CACNA1C: variants seen among roughly 807,000 people sequenced by gnomAD.
CACNA1C encodes the protein calcium voltage-gated channel subunit alpha1 C, also known as voltage-dependent L-type calcium channel subunit alpha-1C.
In CACNA1C, 30 loss-of-function variants were observed where a neutral mutation model predicts 229.0. The observed-to-expected ratio is 0.13, with a 90% confidence interval of 0.10 to 0.18. The LOEUF is 0.18. Ranked by LOEUF, CACNA1C falls within the 10% of genes least tolerant of loss-of-function variation. The pLI, the probability that CACNA1C is intolerant of heterozygous loss-of-function variation, is 1.00. For synonymous variants in CACNA1C, 1,114 were observed against 1,132.5 expected (o/e 0.98, Z 0.33); for missense variants, 1,658 against 2,845.0 (o/e 0.58, Z 9.49).
chr12:2,198,205 G>A (rs572745849), intron 3 of CACNA1C, among the ~76,000 whole-genome samples: 2 of 152,308 alleles, frequency 1.3e-5, no homozygotes, highest in East Asian at 3.9e-4. Context: ...GCTTGTGTTT[G>A]TGCCTTCGTC....
rs1396803645 is a variant in CACNA1C, at chr12:2,512,632, C to G, written c.1218-180C>G. Among the ~76,000 whole-genome samples, 5 of 152,160 alleles carry G rather than the reference C, an allele frequency of 3.3e-5. No homozygotes were observed. Among genetic ancestry groups the G allele is most frequent in the Non-Finnish European group, 7.3e-5 (5 of 68,028 alleles). ...CCCATCGAGGTGATAGTAGACCTAA[C>G]CTAGGCTGACTAGCGGAGCTGTCTG... On this transcript the variant is annotated intron_variant, in intron 8 of 46. Coordinates refer to ENST00000399655, the MANE Select transcript of CACNA1C (RefSeq NM_000719.7). This position sits in a 1 kb window ranked among gnomAD's most constrained non-coding sequence, Gnocchi z 4.3.
chr12:2,443,286 C>T (rs2099246430), intron 3 of CACNA1C, among the ~76,000 whole-genome samples: 1 of 152,176 alleles, frequency 6.6e-6, no homozygotes, highest in African/African-American at 2.4e-5. Flanking sequence ...GTCACAGTCC[C>T]CAGGCAAGTT....
intron 42 of CACNA1C, among the ~76,000 whole-genome samples, chr12:2,680,015 T>A (rs555486620): frequency 6.6e-6 from 1 of 152,318 alleles, no homozygotes; most frequent in South Asian, 2.1e-4. Flanking sequence ...AGCAGTGGCC[T>A]GCGGCGCTGG....
intron 9 of CACNA1C, among the ~76,000 whole-genome samples, chr12:2,549,223 C>T (rs899269761): frequency 6.6e-6 from 1 of 152,174 alleles, no homozygotes; most frequent in Admixed American, 6.5e-5. Context: ...ATGGGAATGT[C>T]AGGGTGGCTG....
At chr12:2,203,300 T>C (rs2097653492) in intron 3 of CACNA1C, among the ~76,000 whole-genome samples, 1 of 152,220 alleles carries the variant, frequency 6.6e-6, no homozygotes, top group South Asian at 2.1e-4. Context: ...ATTGGACTTT[T>C]CCTTCTTACA....
At chr12:2,369,653 C>T (rs1050382135) in intron 3 of CACNA1C, among the ~76,000 whole-genome samples, 7 of 152,290 alleles carry the variant, frequency 4.6e-5, no homozygotes, top group Middle Eastern at 3.4e-3. Flanking sequence ...ATCCTCCCGC[C>T]TTGGCCTCCC....
chr12:2,601,987 T>C lies in CACNA1C; in HGVS notation c.2960+27T>C, dbSNP rs1346880079. On this transcript the variant is annotated intron_variant, in intron 22 of 46. Coordinates refer to ENST00000399655, the MANE Select transcript of CACNA1C (RefSeq NM_000719.7). This position sits in a 1 kb window ranked among gnomAD's most constrained non-coding sequence, Gnocchi z 5.9. ...TGAGTGGGAGCCCCTCAGCCCACGATGGGCCATGCAGCTAGCAAGGGGTGC... is the reference window on the plus strand; with the variant it reads ...TGAGTGGGAGCCCCTCAGCCCACGACGGGCCATGCAGCTAGCAAGGGGTGC... 1 of 1,448,558 alleles carries C rather than the reference T, an allele frequency of 6.9e-7. No homozygotes were observed. The highest frequency in any genetic ancestry group is 1.7e-5 in the Admixed American group (1 of 59,792). The allele number at this position is 1,448,558 out of a possible 1,614,324, so 89.7% of individuals were successfully genotyped here.
At chr12:2,657,937 A>G (rs2095505463) in intron 34 of CACNA1C, among the ~76,000 whole-genome samples, 3 of 152,194 alleles carry the variant, frequency 2.0e-5, no homozygotes. Context: ...ATAAAACTAC[A>G]TGAGCCTAAC....
rs1457592924 is a variant in CACNA1C, at chr12:2,502,404, TAC to T, written c.1114-2435_1114-2434del. Among the ~76,000 whole-genome samples the T allele has an allele frequency of 4.6e-5, 7 of 152,178 alleles. No individual in the cohort carries two copies. The East Asian group carries it at 1.3e-3, about 29-fold the overall frequency. On this transcript the variant is annotated intron_variant, in intron 7 of 46. Coordinates refer to ENST00000399655, the MANE Select transcript of CACNA1C (RefSeq NM_000719.7). ...AGCATGGAAGACAAACAGCAAATAA[TAC>T]ACGTAATAAATAGGTAATGATACAG...
rs2099612755 is a variant in CACNA1C at position 2,474,618 on chromosome 12, T to C, written c.758-11486T>C. On this transcript the variant is annotated intron_variant, in intron 5 of 46. Transcript: ENST00000399655. ...AAAAATACAAAAACTTAGCCAGACA[T>C]GGTGGCACACGCCGGTAATCCCAGT... is the stretch of plus-strand genomic sequence containing the variant. Among the ~76,000 whole-genome samples, 4 of 151,878 alleles carry C rather than the reference T, an allele frequency of 2.6e-5. No individual in the cohort carries two copies. In the East Asian group the frequency reaches 7.8e-4, roughly 30 times the overall value.
chr12:2,044,743 C>T (rs2050777687), intron 1 of CACNA1C, among the ~76,000 whole-genome samples: 1 of 152,152 alleles, frequency 6.6e-6, no homozygotes, highest in South Asian at 2.1e-4. Flanking sequence ...GAACAAATAT[C>T]CCTTTTTGTC....
intron 10 of CACNA1C, among the ~76,000 whole-genome samples, chr12:2,552,330 G>A (rs1000181670): frequency 6.6e-6 from 1 of 152,202 alleles, no homozygotes; most frequent in Non-Finnish European, 1.5e-5. Context: ...TATAGGATTG[G>A]GGTAAGTGTT....
Position 2,346,128 on chromosome 12 carries a change from C to T in CACNA1C, c.478-102848C>T, listed in dbSNP as rs1426944870. ...AGGTGCACCAGGAGCCTTCCCAAGA[C>T]CTGGATCCGCTGCAAGGTGATAGCC... On this transcript the variant is annotated intron_variant, in intron 3 of 46. Coordinates refer to ENST00000399655, the MANE Select transcript of CACNA1C (RefSeq NM_000719.7). This position sits in a 1 kb window ranked among gnomAD's most constrained non-coding sequence, Gnocchi z 4.4. 3.9e-5 allele frequency among the ~76,000 whole-genome samples: 6 copies of T among 152,226 alleles called. No homozygotes were observed. The highest frequency in any genetic ancestry group is 6.8e-3 in the Middle Eastern group (2 of 294).
chr12:2,429,578 G>A (rs1396608232), intron 3 of CACNA1C, among the ~76,000 whole-genome samples: 1 of 152,132 alleles, frequency 6.6e-6, no homozygotes, highest in African/African-American at 2.4e-5. Context: ...TCCCTCCCAG[G>A]GTTCAGGTTA....
At chr12:2,245,053 C>G (rs1378682324) in intron 3 of CACNA1C, among the ~76,000 whole-genome samples, 1 of 152,046 alleles carries the variant, frequency 6.6e-6, no homozygotes, top group Non-Finnish European at 1.5e-5. Flanking sequence ...TGATGTCTTT[C>G]AAAAAGAAAG....
chr12:2,335,851 A>G (rs1340395326), intron 3 of CACNA1C, among the ~76,000 whole-genome samples: 1 of 152,176 alleles, frequency 6.6e-6, no homozygotes, highest in African/African-American at 2.4e-5. Context: ...CAGAATTGTC[A>G]AGAATACTTC....
chr12:2,028,658 A>G (rs2047725352), intron 1 of CACNA1C, among the ~76,000 whole-genome samples: 1 of 152,152 alleles, frequency 6.6e-6, no homozygotes, highest in African/African-American at 2.4e-5. Context: ...TAGACTCTGG[A>G]CCTAGACTTC....
At chr12:2,117,651 T>TAG (rs1211523536) in intron 2 of CACNA1C, among the ~76,000 whole-genome samples, 5 of 152,226 alleles carry the variant, frequency 3.3e-5, no homozygotes, top group Non-Finnish European at 7.3e-5. Context: ...TAGTACTGGG[T>TAG]AGGACTAGGC....
intron 42 of CACNA1C, 46 bp from the exon 43 acceptor site, chr12:2,682,504 G>A: frequency 3.8e-6 from 6 of 1,598,502 alleles, no homozygotes; most frequent in Non-Finnish European, 5.1e-6. Flanking sequence ...GGAAGTGGAG[G>A]AAGGTTGGCA....
Sources: gnomAD v4.1 joint callset for allele counts (sites outside exome capture counted in the v4.1 genomes callset) on GRCh38, gnomAD v4.1.1 for gene constraint, Gnocchi (gnomAD v3.1) non-coding constraint, MANE v1.5 for transcripts, NCBI Gene and HGNC (gene_info 2026-07-23, HGNC 2026-07-21) for gene names.